The following CMTM8 variants were observed in gnomAD, a reference collection of about 807,000 sequenced individuals.
The protein encoded by CMTM8 is CKLF-like MARVEL transmembrane domain-containing protein 8.
A neutral mutation model predicts 18.6 loss-of-function variants in CMTM8; 12 were observed. That is an observed-to-expected ratio of 0.65 (90% CI 0.41 to 1.05). The LOEUF is 1.05. CMTM8 is among the 50% of genes least tolerant of loss of function. The probability of loss-of-function intolerance (pLI) is 0.00; values close to 1 mark genes in which losing one functional copy is unlikely to be tolerated. For missense variants in CMTM8, 217 were observed against 227.2 expected (o/e 0.95, Z 0.29); for synonymous variants, 87 against 90.6 (o/e 0.96, Z 0.23).
chr3:32,296,140 T>A (rs565694086), intron 1 of CMTM8, among the ~76,000 whole-genome samples: 238 of 152,108 alleles, frequency 1.6e-3, no homozygotes, highest in Middle Eastern at 6.8e-3. Context: ...CTTTTATTTT[T>A]TATTTTTTTT....
Position 32,365,722 on chromosome 3 carries a change from C to T in CMTM8, c.322-2150C>T, listed in dbSNP as rs570853812. The stretch of plus-strand genomic sequence containing the variant: ...TCGGCCTCCCAGAGTGTTGGGATTA[C>T]AGGTGTGAGCCACTGCACCCAGCGG... On this transcript the variant is annotated intron_variant, in intron 2 of 3. Transcript: ENST00000307526. 5.9e-5 allele frequency among the ~76,000 whole-genome samples: 9 copies of T among 152,336 alleles called. 1 individual carries two copies. In the East Asian group the frequency reaches 1.5e-3, roughly 26 times the overall value.
chr3:32,351,080 A>G (rs1399398539), intron 1 of CMTM8, among the ~76,000 whole-genome samples: 1 of 152,242 alleles, frequency 6.6e-6, no homozygotes, highest in African/African-American at 2.4e-5. Flanking sequence ...ATACTTTCCA[A>G]TAATGCTAAA....
intron 1 of CMTM8, among the ~76,000 whole-genome samples, chr3:32,343,856 C>T (rs889074997): frequency 1.3e-4 from 20 of 152,156 alleles, no homozygotes; most frequent in Non-Finnish European, 2.4e-4. Flanking sequence ...TGTGCCACCA[C>T]GCCTGGCTAA....
At chr3:32,317,490 T>C (rs2125574603) in intron 1 of CMTM8, among the ~76,000 whole-genome samples, 1 of 152,302 alleles carries the variant, frequency 6.6e-6, no homozygotes, top group African/African-American at 2.4e-5. Flanking sequence ...ATTCACACAT[T>C]GTTGGTGGGA....
At chr3:32,278,995 A>C (rs1702562545) in intron 1 of CMTM8, among the ~76,000 whole-genome samples, 1 of 152,118 alleles carries the variant, frequency 6.6e-6, no homozygotes, top group African/African-American at 2.4e-5. Context: ...GCTATGTGTC[A>C]AGCCTCAGGT....
chr3:32,261,024 C>G (rs1392371986), intron 1 of CMTM8, among the ~76,000 whole-genome samples: 2 of 152,008 alleles, frequency 1.3e-5, no homozygotes, highest in African/African-American at 4.8e-5. Flanking sequence ...GAGTTTGAGA[C>G]CACACTGAGC....
chr3:32,266,562 C>T (rs972741493), intron 1 of CMTM8, among the ~76,000 whole-genome samples: 1 of 152,178 alleles, frequency 6.6e-6, no homozygotes, highest in Non-Finnish European at 1.5e-5. Flanking sequence ...GATGCCCTCT[C>T]TCACCACTCC....
intron 1 of CMTM8, among the ~76,000 whole-genome samples, chr3:32,343,482 C>T (rs1369315398): frequency 6.6e-6 from 1 of 152,220 alleles, no homozygotes; most frequent in African/African-American, 2.4e-5. Flanking sequence ...CCTCCCACCA[C>T]CCAAATTTTG....
chr3:32,337,588 T>C (rs1258733836), intron 1 of CMTM8, among the ~76,000 whole-genome samples: 2 of 152,214 alleles, frequency 1.3e-5, no homozygotes, highest in Non-Finnish European at 2.9e-5. Context: ...CAGTATTCCT[T>C]TTAAATCCCT....
At chr3:32,285,512 CAA>C (rs140584675) in intron 1 of CMTM8, among the ~76,000 whole-genome samples, 8 of 100,512 alleles carry the variant, frequency 8.0e-5, no homozygotes, top group Non-Finnish European at 1.4e-4. Flanking sequence ...GATTCTATCT[CAA>C]AAAAAAAAAA....
At chr3:32,362,552 C>A (rs1239700101) in intron 2 of CMTM8, among the ~76,000 whole-genome samples, 1 of 152,162 alleles carries the variant, frequency 6.6e-6, no homozygotes, top group Admixed American at 6.5e-5. Flanking sequence ...CAGTTGTGAA[C>A]CTTGGAGTCT....
At chr3:32,286,924 G>C (rs1702697271) in intron 1 of CMTM8, among the ~76,000 whole-genome samples, 1 of 152,264 alleles carries the variant, frequency 6.6e-6, no homozygotes, top group Non-Finnish European at 1.5e-5. Flanking sequence ...GCCGGAAAGG[G>C]CAGATAGATG....
chr3:32,271,810 G>C (rs958995460), intron 1 of CMTM8, among the ~76,000 whole-genome samples: 1 of 152,140 alleles, frequency 6.6e-6, no homozygotes, highest in Non-Finnish European at 1.5e-5. Flanking sequence ...AAATTAAACA[G>C]TATTTTTATC....
At chr3:32,262,862 T>C (rs1702275551) in intron 1 of CMTM8, among the ~76,000 whole-genome samples, 1 of 152,232 alleles carries the variant, frequency 6.6e-6, no homozygotes, top group Admixed American at 6.5e-5. Flanking sequence ...TATCAGCTTC[T>C]AGTGAGTTTT....
chr3:32,249,795 T>C (rs1365303958), intron 1 of CMTM8, among the ~76,000 whole-genome samples: 1 of 152,238 alleles, frequency 6.6e-6, no homozygotes, highest in Non-Finnish European at 1.5e-5. Context: ...TTATCAGATA[T>C]ATGATTTGAA....
In CMTM8 at chr3:32,238,811, C is replaced by CGCGCCTGGACA; in HGVS notation, c.-159_-149dup. On this transcript the variant is annotated 5_prime_UTR_variant, in exon 1 of 4. Transcript: ENST00000307526. The stretch of plus-strand genomic sequence containing the variant: ...CACCGCGCACTAGAGGGACACCCGC[C>CGCGCCTGGACA]GCGCCTGGACAGCCCCCGGCGGGCG... The CGCGCCTGGACA allele has an allele frequency of 2.4e-6, 1 of 419,782 alleles. No homozygotes were observed. Among genetic ancestry groups the CGCGCCTGGACA allele is most frequent in the Non-Finnish European group, 3.9e-6 (1 of 258,806 alleles). The allele number at this position is 419,782 out of a possible 1,614,324, so 26.0% of individuals were successfully genotyped here.
At chr3:32,242,700 TC>T (rs1701959335) in intron 1 of CMTM8, among the ~76,000 whole-genome samples, 2 of 152,310 alleles carry the variant, frequency 1.3e-5, no homozygotes, top group South Asian at 4.1e-4. Flanking sequence ...ACCTTCTTTT[TC>T]CCAGAGATCT....
chr3:32,361,921 A>T (rs1454704872), intron 2 of CMTM8, among the ~76,000 whole-genome samples: 1 of 152,120 alleles, frequency 6.6e-6, no homozygotes, highest in Non-Finnish European at 1.5e-5. Flanking sequence ...GTCTACATGC[A>T]TGTGTTTCCT....
At chr3:32,263,332 A>G (rs1702284018) in intron 1 of CMTM8, among the ~76,000 whole-genome samples, 1 of 152,252 alleles carries the variant, frequency 6.6e-6, no homozygotes, top group Non-Finnish European at 1.5e-5. Context: ...GCTGATACCC[A>G]GGCAAACGGT....
Sources: gnomAD v4.1 joint callset for allele counts (sites outside exome capture counted in the v4.1 genomes callset) on GRCh38, gnomAD v4.1.1 for gene constraint, MANE v1.5 for transcripts, NCBI Gene and HGNC (gene_info 2026-07-23, HGNC 2026-07-21) for gene names.